Variants in SPATS2 observed in about 807,000 individuals in gnomAD.
SPATS2 encodes the protein spermatogenesis-associated serine-rich protein 2.
In SPATS2, 38 loss-of-function variants were observed where a neutral mutation model predicts 63.7. The ratio of observed to expected loss-of-function variants is 0.60; its 90% CI spans 0.46 to 0.78. The LOEUF (loss-of-function observed/expected upper bound fraction) is 0.78. Ranked by LOEUF, SPATS2 falls within the 30% of genes least tolerant of loss-of-function variation. The pLI is 0.00. For missense variants in SPATS2, 588 were observed against 666.2 expected (o/e 0.88, Z 1.29); for synonymous variants, 207 against 232.9 (o/e 0.89, Z 1.01).
At chr12:49,374,735 C>G (rs1014949692) in intron 2 of SPATS2, among the ~76,000 whole-genome samples, 1 of 151,980 alleles carries the variant, frequency 6.6e-6, no homozygotes, top group African/African-American at 2.4e-5. Flanking sequence ...CCGAGGCGGG[C>G]AGATCACTTG....
At chr12:49,516,182 T>A (rs867770373) in intron 10 of SPATS2, among the ~76,000 whole-genome samples, 96 of 77,378 alleles carry the variant, frequency 1.2e-3, no homozygotes, top group Non-Finnish European at 1.9e-3. Flanking sequence ...TATATATATA[T>A]ATATATATAT....
At chr12:49,444,707 G>A (rs1485221453) in intron 2 of SPATS2, among the ~76,000 whole-genome samples, 4 of 151,922 alleles carry the variant, frequency 2.6e-5, no homozygotes, top group Admixed American at 6.6e-5. Flanking sequence ...AGGTTCAAGC[G>A]ATTCTCCTGT....
chr12:49,509,413 T>C (rs1159409490), intron 9 of SPATS2, among the ~76,000 whole-genome samples: 2 of 151,136 alleles, frequency 1.3e-5, no homozygotes, highest in Non-Finnish European at 2.9e-5. Flanking sequence ...CCCATGCAAT[T>C]GGGATTACAG....
At chr12:49,492,305 C>G (rs954910484) in intron 6 of SPATS2, among the ~76,000 whole-genome samples, 1 of 151,704 alleles carries the variant, frequency 6.6e-6, no homozygotes, top group African/African-American at 2.4e-5. Context: ...CTGCAGCCTC[C>G]GCCTCCTGGG....
intron 2 of SPATS2, among the ~76,000 whole-genome samples, chr12:49,456,098 C>T (rs1450697770): frequency 6.6e-6 from 1 of 152,122 alleles, no homozygotes; most frequent in East Asian, 1.9e-4. Context: ...CTGTGCTTTG[C>T]TTCACAAGTC....
chr12:49,410,480 A>G (rs1276704436), intron 2 of SPATS2, among the ~76,000 whole-genome samples: 1 of 152,178 alleles, frequency 6.6e-6, no homozygotes, highest in East Asian at 1.9e-4. Context: ...TAAGACAGAG[A>G]GGATCCTTGC....
At chr12:49,411,909 T>C (rs1565709062) in intron 2 of SPATS2, among the ~76,000 whole-genome samples, 1 of 152,204 alleles carries the variant, frequency 6.6e-6, no homozygotes, top group Admixed American at 6.5e-5. Flanking sequence ...ACCATGTTTA[T>C]AATATGTGAA....
chr12:49,438,411 G>A (rs975846646), intron 2 of SPATS2, among the ~76,000 whole-genome samples: 3 of 152,124 alleles, frequency 2.0e-5, no homozygotes, highest in African/African-American at 7.2e-5. Flanking sequence ...ATTCTTATTT[G>A]TAGCCATATG....
intron 2 of SPATS2, among the ~76,000 whole-genome samples, chr12:49,448,613 C>T (rs1945559230): frequency 6.6e-6 from 1 of 150,744 alleles, no homozygotes; most frequent in South Asian, 2.1e-4. Context: ...TGGTGGTGCC[C>T]ACCTGTAGTC....
At chr12:49,435,786 G>GCGGCCTTC (rs1945270076) in intron 2 of SPATS2, among the ~76,000 whole-genome samples, 1 of 148,044 alleles carries the variant, frequency 6.8e-6, no homozygotes, top group African/African-American at 2.5e-5. Flanking sequence ...AGAGGACCCT[G>GCGGCCTTC]CGGCCTTCCG....
intron 2 of SPATS2, among the ~76,000 whole-genome samples, chr12:49,400,724 G>C (rs1286510797): frequency 6.6e-6 from 1 of 152,244 alleles, no homozygotes; most frequent in East Asian, 1.9e-4. Context: ...CTTGAGGAAA[G>C]AGAAAATGGC....
chr12:49,495,196 AC>A (rs1234374826), intron 7 of SPATS2, among the ~76,000 whole-genome samples, 194 bp downstream of exon 7: 1 of 152,082 alleles, frequency 6.6e-6, no homozygotes, highest in Non-Finnish European at 1.5e-5. Flanking sequence ...AGAAAAAAAT[AC>A]AATTCTTTTT....
intron 2 of SPATS2, among the ~76,000 whole-genome samples, chr12:49,427,824 T>G (rs955997510): frequency 6.6e-6 from 1 of 152,238 alleles, no homozygotes; most frequent in African/African-American, 2.4e-5. Context: ...GTCTGTAAGA[T>G]CTATACTAGC....
At chr12:49,454,964 C>T (rs968355892) in intron 2 of SPATS2, among the ~76,000 whole-genome samples, 3 of 151,806 alleles carry the variant, frequency 2.0e-5, no homozygotes, top group African/African-American at 7.3e-5. Context: ...GCTAGCCTTT[C>T]ATATCTCAGC....
At position 49,436,355 on chromosome 12, in the gene SPATS2, G is replaced by A. The variant is rs558481069; in HGVS notation, c.-243-24415G>A. Among the ~76,000 whole-genome samples, 5 of 145,654 alleles carry A rather than the reference G, an allele frequency of 3.4e-5. No homozygotes were observed. The South Asian group carries it at 1.1e-3, about 32-fold the overall frequency. ...TTCGCAGTAGGGGCGGCCGGGCAGA[G>A]GCGCCCCTCATCTCCCGGATGGGGC... On this transcript the variant is annotated intron_variant, in intron 2 of 13. Transcript: ENST00000552918.
chr12:49,387,784 G>A (rs539958912), intron 2 of SPATS2, among the ~76,000 whole-genome samples: 8 of 152,046 alleles, frequency 5.3e-5, no homozygotes, highest in Non-Finnish European at 1.0e-4. Context: ...TGGAGGTGAG[G>A]GTGGGAGTGT....
At chr12:49,464,418 G>A (rs907452179) in intron 3 of SPATS2, among the ~76,000 whole-genome samples, 2 of 148,900 alleles carry the variant, frequency 1.3e-5, no homozygotes, top group East Asian at 2.0e-4. Context: ...TTGGGAGTTC[G>A]AGACTAGCCT....
intron 7 of SPATS2, among the ~76,000 whole-genome samples, chr12:49,495,640 G>A (rs1220560549): frequency 6.6e-6 from 1 of 152,048 alleles, no homozygotes; most frequent in Non-Finnish European, 1.5e-5. Flanking sequence ...CAAGGTCATC[G>A]CCAAGATCTA....
At chr12:49,413,722 A>G (rs1425205856) in intron 2 of SPATS2, among the ~76,000 whole-genome samples, 1 of 152,130 alleles carries the variant, frequency 6.6e-6, no homozygotes, top group Non-Finnish European at 1.5e-5. Flanking sequence ...CTACTCAGAT[A>G]TGGTTCCTTG....
Sources: gnomAD v4.1 joint callset for allele counts (sites outside exome capture counted in the v4.1 genomes callset) on GRCh38, gnomAD v4.1.1 for gene constraint, MANE v1.5 for transcripts, NCBI Gene and HGNC (gene_info 2026-07-23, HGNC 2026-07-21) for gene names.